The following BCR variants were observed in gnomAD, a reference collection of about 807,000 sequenced individuals.
BCR encodes BCR activator of RhoGEF and GTPase.
Under a neutral mutation model 138.6 loss-of-function variants are expected in BCR, and 58 were observed. The observed-to-expected ratio is 0.42, with a 90% CI of 0.34 to 0.52. BCR has a LOEUF of 0.52. Ranked by LOEUF, BCR falls within the 20% of genes least tolerant of loss-of-function variation. The probability of loss-of-function intolerance (pLI) is 0.06; values close to 1 mark genes in which losing one functional copy is unlikely to be tolerated. For missense variants in BCR, 1,599 were observed against 1,727.2 expected (o/e 0.93, Z 1.32); for synonymous variants, 786 against 730.1 (o/e 1.08, Z -1.23).
intron 1 of BCR, among the ~76,000 whole-genome samples, chr22:23,200,600 C>T (rs904620568): frequency 2.3e-4 from 35 of 152,082 alleles, no homozygotes; most frequent in African/African-American, 8.0e-4. Context: ...CTCTGTCGCC[C>T]AGGCTGGAGT....
chr22:23,214,082 G>A (rs1028106756), intron 1 of BCR, among the ~76,000 whole-genome samples: 1 of 152,176 alleles, frequency 6.6e-6, no homozygotes, highest in African/African-American at 2.4e-5. Flanking sequence ...CGTGGCTGCT[G>A]GCATGCCCTG....
chr22:23,305,329 G>A (rs181724256), intron 16 of BCR, among the ~76,000 whole-genome samples: 8 of 152,210 alleles, frequency 5.3e-5, no homozygotes, highest in African/African-American at 1.4e-4. Flanking sequence ...GGCTGGTGAC[G>A]ATGGGCGTGA....
At chr22:23,265,270 T>C (rs2073426494) in intron 4 of BCR, among the ~76,000 whole-genome samples, 1 of 152,194 alleles carries the variant, frequency 6.6e-6, no homozygotes, top group African/African-American at 2.4e-5. Context: ...CAGTGGGAAG[T>C]TGTTCCCCAT....
intron 1 of BCR, among the ~76,000 whole-genome samples, chr22:23,245,299 T>C (rs1295786902): frequency 1.3e-5 from 2 of 152,036 alleles, no homozygotes; most frequent in Non-Finnish European, 2.9e-5. Context: ...TTCCAGCCTA[T>C]GGGGGGCCTT....
intron 1 of BCR, among the ~76,000 whole-genome samples, chr22:23,195,785 G>A (rs1467921122): frequency 6.6e-6 from 1 of 152,190 alleles, no homozygotes; most frequent in Non-Finnish European, 1.5e-5. Flanking sequence ...CTACTCGGGA[G>A]GCTGAGGTAG....
intron 1 of BCR, among the ~76,000 whole-genome samples, chr22:23,193,079 G>A (rs1322714032): frequency 6.6e-6 from 1 of 152,200 alleles, no homozygotes; most frequent in African/African-American, 2.4e-5. Flanking sequence ...GCCACTGTTG[G>A]CTCAAGAAGA....
At chr22:23,291,594 G>A (rs184289964) in intron 14 of BCR, among the ~76,000 whole-genome samples, 9 of 151,968 alleles carry the variant, frequency 5.9e-5, no homozygotes, top group African/African-American at 2.2e-4. Context: ...GCTGCCCCGT[G>A]GTCCCGGGCT....
chr22:23,268,993 A>C (rs2073477632), intron 5 of BCR, among the ~76,000 whole-genome samples: 1 of 152,208 alleles, frequency 6.6e-6, no homozygotes, highest in Non-Finnish European at 1.5e-5. Flanking sequence ...CTGTGGACCC[A>C]TGTGGGGAGC....
chr22:23,215,445 A>C lies in BCR; in HGVS notation c.1279+33206A>C, dbSNP rs1370809708. ...TGATCACAGCTTTCTGGAATGTAGC[A>C]GGTTACTTGATAAAGAGGGCGGGAA... On this transcript the variant is annotated intron_variant, in intron 1 of 22. Transcript: ENST00000305877. Among the ~76,000 whole-genome samples, 3 of 152,208 alleles carry C rather than the reference A, an allele frequency of 2.0e-5. No individual in the cohort carries two copies. The East Asian group carries it at 5.8e-4, about 29-fold the overall frequency.
intron 1 of BCR, among the ~76,000 whole-genome samples, chr22:23,223,367 T>C (rs908735368): frequency 6.6e-6 from 1 of 152,194 alleles, no homozygotes; most frequent in Non-Finnish European, 1.5e-5. Flanking sequence ...TGTGAGTGCA[T>C]GTGCCTGTGT....
chr22:23,185,621 G>A (rs564983447), intron 1 of BCR, among the ~76,000 whole-genome samples: 1 of 151,512 alleles, frequency 6.6e-6, no homozygotes, highest in Non-Finnish European at 1.5e-5. Context: ...AGCCGAGATC[G>A]CTGGGCTGCA....
Position 23,314,836 on chromosome 22 carries a change from A to C in BCR, c.3726+122A>C. ...TGTATGTGGTGTGGCCAACATTCAC[A>C]GAGAGGGACTTGCCTAGGTCTGCAT... On this transcript the variant is annotated intron_variant, in intron 22 of 22. Coordinates refer to ENST00000305877, the MANE Select transcript of BCR (RefSeq NM_004327.4). 4 of 1,289,518 alleles carry C rather than the reference A, an allele frequency of 3.1e-6. No homozygotes were observed. The Admixed American group carries it at 5.8e-5, about 19-fold the overall frequency. The allele number at this position is 1,289,518 out of a possible 1,614,324, so 79.9% of individuals were successfully genotyped here.
rs200970605 is a variant in BCR, at chr22:23,181,835, G to A, written c.875G>A (p.Gly292Asp). Residue 292 changes from glycine to aspartate, a missense_variant, in exon 1 of 23, where the codon GGC (glycine) becomes GAC (aspartate). This residue lies in a region of BCR where 806 missense variants were observed against 635.0 expected (regional missense o/e 1.27). Transcript: ENST00000305877. ...IYVGGMMEGE[G>D]KGPLLRSQST... ...GTCGGGGGCATGATGGAAGGGGAGG[G>A]CAAGGGCCCGCTCCTGCGCAGCCAG... 3.2e-5 allele frequency: 52 copies of A among 1,611,540 alleles called. No individual in the cohort carries two copies. Among genetic ancestry groups the A allele is most frequent in the Non-Finnish European group, 4.2e-5 (49 of 1,179,766 alleles).
intron 1 of BCR, among the ~76,000 whole-genome samples, chr22:23,202,721 T>TTGTGTGTGTGTGTGTGTGTGTG (rs58577462): frequency 2.1e-5 from 3 of 142,752 alleles, no homozygotes; most frequent in East Asian, 2.2e-4. Flanking sequence ...ATTCAATTGT[T>TTGTGTGTGTGTGTGTGTGTGTG]TGTGTGTGTG....
chr22:23,296,551 C>T (rs913411558), intron 16 of BCR, among the ~76,000 whole-genome samples: 15 of 152,158 alleles, frequency 9.9e-5, no homozygotes, highest in Non-Finnish European at 1.9e-4. Context: ...CTGGCCACAT[C>T]TTCGGAGGTG....
chr22:23,183,480 C>G (rs999012333), intron 1 of BCR, among the ~76,000 whole-genome samples: 13 of 152,230 alleles, frequency 8.5e-5, no homozygotes, highest in Non-Finnish European at 1.8e-4. Context: ...CCATTTGCAG[C>G]TGGGGTTTCC....
chr22:23,311,701 G>C lies in BCR; in HGVS notation c.3187G>C (p.Glu1063Gln). ...GAACATTCCCTCCTCCCGCAGGAGA[G>C]AGAGGTCCAAGGTGCCCTACATCGT... Reference protein sequence around the residue: ...GVKIAVVTKRERSKVPYIVRQ... With the variant: ...GVKIAVVTKRQRSKVPYIVRQ... Residue 1063 changes from glutamate to glutamine, a missense_variant, in exon 19 of 23, where the codon GAG becomes CAG. Physicochemically the swap from Glu to Gln is conservative, Grantham distance 29. Transcript: ENST00000305877. The C allele has an allele frequency of 6.2e-7, 1 of 1,605,670 alleles. No individual in the cohort carries two copies. The highest frequency in any genetic ancestry group is 8.5e-7 in the Non-Finnish European group (1 of 1,175,510).
In BCR at chr22:23,180,773, CCCGCGCGCCGAGCGCCCCGCT is replaced by C. The variant is rs1351257750; in HGVS notation, c.-183_-163del. On this transcript the variant is annotated 5_prime_UTR_variant, in exon 1 of 23. Transcript: ENST00000305877. ...CGCCCTTCCCCCCGGCGCGCCCCGC[CCCGCGCGCCGAGCGCCCCGCT>C]CCGCCTCACCTGCCACCAGGGAGTG... 1,181 of 174,242 alleles carry C rather than the reference CCCGCGCGCCGAGCGCCCCGCT, an allele frequency of 6.8e-3. 4 individuals are homozygous for C. The highest frequency in any genetic ancestry group is 0.036 in the South Asian group (204 of 5,742). 10.8% of individuals were successfully genotyped at this position (174,242 alleles called of 1,614,324 possible). A position where few individuals can be genotyped will look rare whatever the true frequency, so the allele number is the denominator to read the frequency against.
intron 16 of BCR, among the ~76,000 whole-genome samples, chr22:23,309,016 A>G (rs974971710): frequency 3.3e-5 from 5 of 152,184 alleles, no homozygotes; most frequent in African/African-American, 1.2e-4. Context: ...AACAGTGTCC[A>G]CAATTCCCCA....
Sources: allele counts gnomAD v4.1 joint callset (sites outside exome capture counted in the v4.1 genomes callset), GRCh38; gene constraint gnomAD v4.1.1; regional missense constraint gnomAD v4.1.1; transcripts MANE v1.5; gene names NCBI Gene and HGNC (gene_info 2026-07-23, HGNC 2026-07-21).